The following CTNNA2 variants were observed in gnomAD, a reference collection of about 807,000 sequenced individuals.
CTNNA2 encodes catenin alpha 2.
Under a neutral mutation model 101.0 loss-of-function variants are expected in CTNNA2, and 42 were observed. That is an observed-to-expected ratio of 0.42 (90% CI 0.32 to 0.54). CTNNA2 has a LOEUF of 0.54. CTNNA2 is among the 20% of genes least tolerant of loss of function. The pLI is 0.14. For synonymous variants in CTNNA2, 450 were observed against 456.4 expected, an observed-to-expected ratio of 0.99 and a Z score of 0.18; for missense variants, 871 against 1,223.1, an observed-to-expected ratio of 0.71 and a Z score of 4.29.
At chr2:80,507,954 G>A (rs1688403612) in intron 9 of CTNNA2, among the ~76,000 whole-genome samples, 1 of 152,104 alleles carries the variant, frequency 6.6e-6, no homozygotes, top group African/African-American at 2.4e-5. Context: ...GCTCAGATTT[G>A]GCAAGACAGG....
intron 8 of CTNNA2, 129 bp downstream of exon 8, chr2:80,393,420 T>TA: frequency 1.5e-6 from 1 of 653,886 alleles, no homozygotes; most frequent in Non-Finnish European, 2.6e-6. Flanking sequence ...CATATACAAA[T>TA]AAAAACCCCA....
At chr2:79,625,662 A>G (rs1400766231) in intron 1 of CTNNA2, among the ~76,000 whole-genome samples, 2 of 152,166 alleles carry the variant, frequency 1.3e-5, no homozygotes, top group African/African-American at 2.4e-5. Context: ...CTGGAGAAGC[A>G]GCAAAAAGAC....
intron 2 of CTNNA2, among the ~76,000 whole-genome samples, chr2:79,682,513 GA>G (rs1353252218): frequency 6.6e-6 from 1 of 151,308 alleles, no homozygotes; most frequent in Non-Finnish European, 1.5e-5. Flanking sequence ...TATATAGCCT[GA>G]ACAAAAGGCT....
chr2:80,000,329 G>A (rs1459256766), intron 7 of CTNNA2, among the ~76,000 whole-genome samples: 1 of 152,128 alleles, frequency 6.6e-6, no homozygotes, highest in Non-Finnish European at 1.5e-5. Context: ...CATGAAATGA[G>A]TATTTGCAGT....
chr2:79,754,540 C>T (rs1672268957), intron 3 of CTNNA2, among the ~76,000 whole-genome samples: 1 of 152,078 alleles, frequency 6.6e-6, no homozygotes, highest in Non-Finnish European at 1.5e-5. Context: ...GGATGGTGGG[C>T]ATGTTCTTCT....
At chr2:79,995,004 G>A (rs1207662507) in intron 7 of CTNNA2, among the ~76,000 whole-genome samples, 1 of 152,162 alleles carries the variant, frequency 6.6e-6, no homozygotes, top group South Asian at 2.1e-4. Flanking sequence ...GATGCAATCA[G>A]TAGTATCCAT....
chr2:80,529,394 T>A (rs536092299), intron 9 of CTNNA2, among the ~76,000 whole-genome samples: 11 of 152,354 alleles, frequency 7.2e-5, no homozygotes, highest in Non-Finnish European at 1.6e-4. Context: ...TATGTGTACA[T>A]AATCTGTTGT....
chr2:80,592,457 AT>A (rs1292053576), intron 15 of CTNNA2, among the ~76,000 whole-genome samples: 2 of 152,156 alleles, frequency 1.3e-5, no homozygotes, highest in Non-Finnish European at 2.9e-5. Flanking sequence ...TTCTGTCCTA[AT>A]TTTGTACATG....
Position 80,399,253 on chromosome 2 carries a change from C to T in CTNNA2, c.1137+5962C>T, listed in dbSNP as rs138851572. On this transcript the variant is annotated intron_variant, in intron 8 of 18. Coordinates refer to ENST00000402739, the MANE Select transcript of CTNNA2 (RefSeq NM_001282597.3). The stretch of plus-strand genomic sequence containing the variant: ...GATAAAACAACCCTAAATGTCAGAG[C>T]ACCATTTACTTATCACCTGGAAAAT... 1.0e-3 allele frequency among the ~76,000 whole-genome samples: 155 copies of T among 152,162 alleles called. 1 individual carries two copies. Among genetic ancestry groups the T allele is most frequent in the African/African-American group, 3.6e-3 (151 of 41,514 alleles).
chr2:79,256,917 TTGATA>T (rs974872883), intron 2 of CTNNA2, among the ~76,000 whole-genome samples: 11 of 152,174 alleles, frequency 7.2e-5, no homozygotes, highest in African/African-American at 2.7e-4. Flanking sequence ...AAAATGTTAG[TTGATA>T]TGATATTATT....
intron 6 of CTNNA2, among the ~76,000 whole-genome samples, chr2:79,876,147 T>C (rs1457407418): frequency 1.3e-5 from 2 of 152,102 alleles, no homozygotes; most frequent in African/African-American, 2.4e-5. Context: ...TTTCATAATG[T>C]TGAAGCAATC....
chr2:79,452,497 T>C (rs1670767861), intron 4 of CTNNA2, among the ~76,000 whole-genome samples: 1 of 151,960 alleles, frequency 6.6e-6, no homozygotes, highest in African/African-American at 2.4e-5. Flanking sequence ...TAAAAATAAT[T>C]ATCTAAATAT....
intron 7 of CTNNA2, among the ~76,000 whole-genome samples, chr2:80,181,430 A>C (rs1705771979): frequency 1.3e-5 from 2 of 152,174 alleles, no homozygotes; most frequent in Non-Finnish European, 2.9e-5. Flanking sequence ...TCCAAGTTGC[A>C]GGGTCCCATT....
chr2:80,028,890 C>T (rs1420684172), intron 7 of CTNNA2, among the ~76,000 whole-genome samples: 1 of 152,176 alleles, frequency 6.6e-6, no homozygotes, highest in African/African-American at 2.4e-5. Context: ...TCTATCAACA[C>T]CTGGATTTTA....
intron 3 of CTNNA2, among the ~76,000 whole-genome samples, chr2:79,346,660 G>A (rs1306528528): frequency 1.3e-5 from 2 of 152,146 alleles, no homozygotes; most frequent in African/African-American, 4.8e-5. Context: ...AAAAAGAACA[G>A]AGATTTCAAA....
chr2:79,244,876 C>T (rs1674679604), intron 2 of CTNNA2, among the ~76,000 whole-genome samples: 1 of 152,092 alleles, frequency 6.6e-6, no homozygotes. Flanking sequence ...GGGTGGATCA[C>T]CTGAGGCCAA....
chr2:79,671,373 C>T (rs1682828296), intron 2 of CTNNA2, among the ~76,000 whole-genome samples: 1 of 152,148 alleles, frequency 6.6e-6, no homozygotes, highest in Non-Finnish European at 1.5e-5. Flanking sequence ...AGTACTTTTT[C>T]CCCAATACCC....
At chr2:79,408,013 C>A (rs1678359081) in intron 4 of CTNNA2, among the ~76,000 whole-genome samples, 1 of 151,972 alleles carries the variant, frequency 6.6e-6, no homozygotes, top group Non-Finnish European at 1.5e-5. Context: ...GAGTTTTTGT[C>A]TGGACTTCCC....
intron 2 of CTNNA2, among the ~76,000 whole-genome samples, chr2:79,243,851 C>T (rs1023358385): frequency 6.6e-6 from 1 of 152,130 alleles, no homozygotes; most frequent in Non-Finnish European, 1.5e-5. Context: ...CAGGAGAGAA[C>T]CTTTCCATGT....
Sources: gnomAD v4.1 joint callset for allele counts (sites outside exome capture counted in the v4.1 genomes callset) on GRCh38, gnomAD v4.1.1 for gene constraint, MANE v1.5 for transcripts, NCBI Gene and HGNC (gene_info 2026-07-23, HGNC 2026-07-21) for gene names.